Variants in FLT1 observed in about 807,000 individuals in gnomAD.
FLT1 encodes the protein fms related receptor tyrosine kinase 1.
Under a neutral mutation model 156.3 loss-of-function variants are expected in FLT1, and 49 were observed. That is an observed-to-expected ratio of 0.31 (90% CI 0.25 to 0.40). The LOEUF (loss-of-function observed/expected upper bound fraction) is 0.40. FLT1 is among the 10% of genes least tolerant of loss of function. FLT1 has a pLI of 1.00. For synonymous variants in FLT1, 594 were observed against 583.8 expected, an observed-to-expected ratio of 1.02 and a Z score of -0.25; for missense variants, 1,322 against 1,637.2, an observed-to-expected ratio of 0.81 and a Z score of 3.32.
intron 10 of FLT1, among the ~76,000 whole-genome samples, chr13:28,409,212 T>A (rs1875993223): frequency 6.6e-6 from 1 of 152,170 alleles, no homozygotes; most frequent in African/African-American, 2.4e-5. Context: ...TTGATTTTCT[T>A]GTAACAGTGA....
At chr13:28,463,610 C>T (rs914530302) in intron 3 of FLT1, among the ~76,000 whole-genome samples, 6 of 152,268 alleles carry the variant, frequency 3.9e-5, no homozygotes, top group African/African-American at 1.2e-4. Context: ...ATAATAAATA[C>T]ATGATAACCA....
intron 14 of FLT1, among the ~76,000 whole-genome samples, chr13:28,362,437 A>G (rs752533135): frequency 5.3e-5 from 8 of 152,214 alleles, no homozygotes; most frequent in Non-Finnish European, 1.0e-4. Context: ...AAGAGCAGCT[A>G]TCTTGCTACC....
intron 3 of FLT1, among the ~76,000 whole-genome samples, chr13:28,453,832 C>G (rs950212929): frequency 6.6e-6 from 1 of 152,024 alleles, no homozygotes; most frequent in Non-Finnish European, 1.5e-5. Flanking sequence ...TGTACTATAC[C>G]CTGTGCTGGG....
intron 11 of FLT1, among the ~76,000 whole-genome samples, chr13:28,400,495 A>G (rs529934924): frequency 3.9e-5 from 6 of 152,334 alleles, no homozygotes; most frequent in African/African-American, 1.2e-4. Flanking sequence ...TTAAAAATAA[A>G]ATTATTTGAC....
In FLT1 at chr13:28,367,281, C is replaced by T. The variant is rs374444965; in HGVS notation, c.2117-9596G>A. Among the ~76,000 whole-genome samples the T allele has an allele frequency of 3.7e-4, 56 of 152,324 alleles. No individual in the cohort carries two copies. In the South Asian group the frequency reaches 0.011, roughly 31 times the overall value. Reference sequence around the variant, plus strand: ...TGCTAAAGCATTAGCCCCAAAAGGACAAGTAAAACTTTACACTGGGCTGTT... The same window carrying T: ...TGCTAAAGCATTAGCCCCAAAAGGATAAGTAAAACTTTACACTGGGCTGTT... On this transcript the variant is annotated intron_variant, in intron 14 of 29. Transcript: ENST00000282397.
intron 3 of FLT1, among the ~76,000 whole-genome samples, chr13:28,449,405 G>A (rs531665547): frequency 2.0e-5 from 3 of 152,282 alleles, no homozygotes; most frequent in South Asian, 2.1e-4. Context: ...CATGGAATGC[G>A]CAATTTAATA....
In FLT1 at chr13:28,301,701, T is replaced by C. The variant is rs889700040; in HGVS notation, c.*1466A>G. On this transcript the variant is annotated 3_prime_UTR_variant, in exon 30 of 30. Transcript: ENST00000282397. ...ATAAATAGCATCAAACAGAGCCAGC[T>C]TAGCGATCCAAGGCCCACTTGATCT... 63 of 233,346 alleles carry C rather than the reference T, an allele frequency of 2.7e-4. No homozygotes were observed. The highest frequency in any genetic ancestry group is 1.3e-3 in the African/African-American group (60 of 45,446). The allele number at this position is 233,346 out of a possible 1,614,324, so 14.5% of individuals were successfully genotyped here.
chr13:28,339,712 G>A (rs1019838696), intron 16 of FLT1, among the ~76,000 whole-genome samples: 1 of 152,130 alleles, frequency 6.6e-6, no homozygotes, highest in Admixed American at 6.5e-5. Context: ...TATTACATAT[G>A]GGCCAACAGT....
rs565937326 is a variant in FLT1 at position 28,416,881 on chromosome 13, A to C, written c.1436+10278T>G. ...TCTTATATAATTTTCAATGATGATGACAAGGCAAATGGAACATTAAAGACC... is the reference window on the plus strand; with the variant it reads ...TCTTATATAATTTTCAATGATGATGCCAAGGCAAATGGAACATTAAAGACC... On this transcript the variant is annotated intron_variant, in intron 10 of 29. Coordinates refer to ENST00000282397, the MANE Select transcript of FLT1 (RefSeq NM_002019.4). Among the ~76,000 whole-genome samples the C allele has an allele frequency of 2.6e-5, 4 of 152,354 alleles. No homozygotes were observed. In the East Asian group the frequency reaches 7.7e-4, roughly 29 times the overall value.
At chr13:28,473,806 GAAA>G in intron 1 of FLT1, among the ~76,000 whole-genome samples, 2 of 131,438 alleles carry the variant, frequency 1.5e-5, no homozygotes, top group African/African-American at 3.0e-5. Flanking sequence ...AAGAAAGAAA[GAAA>G]GAAAGAAAGA....
chr13:28,302,963 C>A lies in FLT1; in HGVS notation c.*204G>T. The A allele has an allele frequency of 1.7e-6, 1 of 590,516 alleles. No individual in the cohort carries two copies. Among genetic ancestry groups the A allele is most frequent in the Non-Finnish European group, 3.0e-6 (1 of 333,256 alleles). The allele number at this position is 590,516 out of a possible 1,614,324, so 36.6% of individuals were successfully genotyped here. On this transcript the variant is annotated 3_prime_UTR_variant, in exon 30 of 30. Coordinates refer to ENST00000282397, the MANE Select transcript of FLT1 (RefSeq NM_002019.4). ...AACATGAGGATTTAGCAGTAGTGTT[C>A]TTCACTTGTCACTATTTCTCTATCT... is the stretch of plus-strand genomic sequence containing the variant.
rs2138859886 is a variant in FLT1, at chr13:28,345,868, A to C, written c.2249-317T>G. 3 of 272,634 alleles carry C rather than the reference A, an allele frequency of 1.1e-5. No individual in the cohort carries two copies. The Middle Eastern group carries it at 3.7e-3, about 341-fold the overall frequency. The allele number at this position is 272,634 out of a possible 1,614,324, so 16.9% of individuals were successfully genotyped here. ...TAAGTAAAAATCAGAGGAGAAATTAAAAATGGGAAAAAATTAAGGCAGGAA... is the reference window on the plus strand; with the variant it reads ...TAAGTAAAAATCAGAGGAGAAATTACAAATGGGAAAAAATTAAGGCAGGAA... On this transcript the variant is annotated intron_variant, in intron 15 of 29. Coordinates refer to ENST00000282397, the MANE Select transcript of FLT1 (RefSeq NM_002019.4).
chr13:28,457,104 A>G (rs1879310681), intron 3 of FLT1, among the ~76,000 whole-genome samples: 1 of 152,070 alleles, frequency 6.6e-6, no homozygotes, highest in Non-Finnish European at 1.5e-5. Context: ...GACAAGGGGT[A>G]TATAGGAAAT....
At chr13:28,422,392 T>C (rs956782448) in intron 10 of FLT1, among the ~76,000 whole-genome samples, 2 of 152,186 alleles carry the variant, frequency 1.3e-5, no homozygotes, top group African/African-American at 2.4e-5. Context: ...CTTCTTCCTT[T>C]GAAACTATGA....
rs548750552 is a variant in FLT1, at chr13:28,341,378, G to A, written c.2356-2078C>T. On this transcript the variant is annotated intron_variant, in intron 16 of 29. Transcript: ENST00000282397. ...GCTAAGTGCTTCAAAGCCCAGGCAT[G>A]GGGGCTGAATACCTGGGTTTGAATC... 2.1e-3 allele frequency among the ~76,000 whole-genome samples: 320 copies of A among 152,320 alleles called. 2 individuals carry two copies. Among genetic ancestry groups the A allele is most frequent in the Non-Finnish European group, 2.9e-3 (199 of 68,032 alleles).
intron 16 of FLT1, among the ~76,000 whole-genome samples, chr13:28,343,352 G>A (rs146639521): frequency 6.1e-4 from 93 of 151,528 alleles, no homozygotes; most frequent in African/African-American, 2.2e-3. Context: ...CCAGACAGGA[G>A]TGCAATGGGG....
At position 28,306,671 on chromosome 13, in the gene FLT1, T is replaced by C; in HGVS notation, c.3815+7A>G. The C allele has an allele frequency of 1.9e-6, 3 of 1,600,840 alleles. No individual in the cohort carries two copies. The highest frequency in any genetic ancestry group is 2.6e-6 in the Non-Finnish European group (3 of 1,168,010). Reference sequence around the variant, plus strand: ...AACTGATCACAGAAAAGATACCCAATTCTTACTCAATCTTGAGCGAGGCCT... The same window carrying C: ...AACTGATCACAGAAAAGATACCCAACTCTTACTCAATCTTGAGCGAGGCCT... On this transcript the variant is annotated splice_region_variant and intron_variant, in intron 29 of 29. Coordinates refer to ENST00000282397, the MANE Select transcript of FLT1 (RefSeq NM_002019.4).
At position 28,399,274 on chromosome 13, in the gene FLT1, T is replaced by A. The variant is rs762070805; in HGVS notation, c.1552-2206A>T. Among the ~76,000 whole-genome samples, 6 of 152,308 alleles carry A rather than the reference T, an allele frequency of 3.9e-5. No homozygotes were observed. In the East Asian group the frequency reaches 7.7e-4, roughly 20 times the overall value. On this transcript the variant is annotated intron_variant, in intron 11 of 29. Transcript: ENST00000282397. ...GTGTCAGCTCCAGCACTGTTTTTTT[T>A]ATGAAGTTAGTTCTCAAGTGTTTAT...
intron 13 of FLT1, chr13:28,389,412 A>G (rs1433363457): frequency 7.8e-7 from 1 of 1,275,554 alleles, no homozygotes; most frequent in Non-Finnish European, 9.9e-7. Context: ...ATGGAAGGAA[A>G]GGATCATCCC....
Sources: allele counts gnomAD v4.1 joint callset (sites outside exome capture counted in the v4.1 genomes callset), GRCh38; gene constraint gnomAD v4.1.1; transcripts MANE v1.5; gene names NCBI Gene and HGNC (gene_info 2026-07-23, HGNC 2026-07-21).